The following HSF5 variants were observed in gnomAD, a reference collection of about 807,000 sequenced individuals.
HSF5 encodes the protein heat shock factor protein 5.
In HSF5, 5 loss-of-function variants were observed where a neutral mutation model predicts 50.8. The observed-to-expected ratio is 0.10, with a 90% CI of 0.05 to 0.21. The LOEUF is 0.21. Ranked by LOEUF, HSF5 falls within the 10% of genes least tolerant of loss-of-function variation. The probability of loss-of-function intolerance (pLI) is 1.00; values close to 1 mark genes in which losing one functional copy is unlikely to be tolerated. For synonymous variants in HSF5, 307 were observed against 307.4 expected (o/e 1.00, Z 0.02); for missense variants, 564 against 762.6 (o/e 0.74, Z 3.07).
chr17:58,420,820 AACAG>A lies in HSF5; in HGVS notation c.*1536_*1539del, dbSNP rs1381873372. 1.3e-5 allele frequency: 2 copies of A among 152,260 alleles called. No homozygotes were observed. Among genetic ancestry groups the A allele is most frequent in the Non-Finnish European group, 2.9e-5 (2 of 68,028 alleles). 9.4% of individuals were successfully genotyped at this position (152,260 alleles called of 1,614,324 possible). A position where few individuals can be genotyped will look rare whatever the true frequency, so the allele number is the denominator to read the frequency against. On this transcript the variant is annotated 3_prime_UTR_variant, in exon 6 of 6. Transcript: ENST00000323777. ...TTTTCAGAACCTACTTTAATATCTA[AACAG>A]AGTCACTGCAGATCAATACAGAGCT... is the stretch of plus-strand genomic sequence containing the variant.
chr17:58,456,389 G>A (rs999388113), intron 5 of HSF5, among the ~76,000 whole-genome samples: 13 of 152,240 alleles, frequency 8.5e-5, no homozygotes, highest in Non-Finnish European at 1.9e-4. Context: ...AAGTAGAATA[G>A]TAAATACCAG....
intron 5 of HSF5, among the ~76,000 whole-genome samples, chr17:58,454,412 G>A (rs908378889): frequency 6.6e-6 from 1 of 152,004 alleles, no homozygotes; most frequent in Non-Finnish European, 1.5e-5. Flanking sequence ...GCTTTTCCTC[G>A]AAGATCTGGA....
At chr17:58,480,583 GCTTT>G (rs2143807402) in intron 1 of HSF5, among the ~76,000 whole-genome samples, 1 of 152,040 alleles carries the variant, frequency 6.6e-6, no homozygotes, top group Admixed American at 6.6e-5. Context: ...CTTACCTTTC[GCTTT>G]ATTTGCCTGA....
rs555012006 is a variant in HSF5 at position 58,469,879 on chromosome 17, TA to T, written c.926-2901del. On this transcript the variant is annotated intron_variant, in intron 2 of 5. Transcript: ENST00000323777. ...ACATTTTCAAAAAATGTCTAAGTAATAAAAAAATGTTAAGCCAGAGTTACTA... is the reference window on the plus strand; with the variant it reads ...ACATTTTCAAAAAATGTCTAAGTAATAAAAAATGTTAAGCCAGAGTTACTA... Among the ~76,000 whole-genome samples the T allele has an allele frequency of 1.1e-3, 160 of 152,108 alleles. 1 individual carries two copies. Among genetic ancestry groups the T allele is most frequent in the Admixed American group, 6.9e-3 (106 of 15,274 alleles).
chr17:58,434,211 C>G (rs1974398036), intron 5 of HSF5, among the ~76,000 whole-genome samples: 1 of 151,994 alleles, frequency 6.6e-6, no homozygotes, highest in Non-Finnish European at 1.5e-5. Context: ...CTGTGCCTGG[C>G]CCAAAGGGAT....
intron 5 of HSF5, among the ~76,000 whole-genome samples, chr17:58,425,639 T>C (rs146672791): frequency 8.2e-4 from 124 of 151,180 alleles, no homozygotes; most frequent in African/African-American, 2.9e-3. Flanking sequence ...ATGCACATTT[T>C]ACCATAAAAT....
rs1471397952 is a variant in HSF5, at chr17:58,422,441, A to T, written c.1721-11T>A. 1 of 1,612,578 alleles carries T rather than the reference A, an allele frequency of 6.2e-7. No homozygotes were observed. Among genetic ancestry groups the T allele is most frequent in the South Asian group, 1.1e-5 (1 of 90,984 alleles). On this transcript the variant is annotated splice_polypyrimidine_tract_variant and intron_variant, in intron 5 of 5. Transcript: ENST00000323777. ...CCAGCAGATGAAGATCTAGAAAGAA[A>T]GGATAGTTTACTCCCTCTTAGCCTC...
At chr17:58,486,875 C>A (rs1323582525) in intron 1 of HSF5, among the ~76,000 whole-genome samples, 1 of 150,738 alleles carries the variant, frequency 6.6e-6, no homozygotes, top group Non-Finnish European at 1.5e-5. Flanking sequence ...TTTCCCTTGC[C>A]TGCTATTGTA....
At chr17:58,448,908 T>G (rs923049354) in intron 5 of HSF5, among the ~76,000 whole-genome samples, 6 of 152,156 alleles carry the variant, frequency 3.9e-5, no homozygotes, top group Non-Finnish European at 7.4e-5. Flanking sequence ...GATTAATAAC[T>G]ACAACAGTTT....
chr17:58,426,749 T>C (rs1974300643), intron 5 of HSF5, among the ~76,000 whole-genome samples: 1 of 152,210 alleles, frequency 6.6e-6, no homozygotes, highest in Admixed American at 6.5e-5. Flanking sequence ...GGTAATACCA[T>C]TGCAGAAATC....
chr17:58,431,131 C>T (rs1176416354), intron 5 of HSF5, among the ~76,000 whole-genome samples: 1 of 152,156 alleles, frequency 6.6e-6, no homozygotes, highest in Non-Finnish European at 1.5e-5. Context: ...TTGTCTGTTG[C>T]CATGTGAAAC....
intron 3 of HSF5, among the ~76,000 whole-genome samples, chr17:58,464,504 C>T (rs1974835448): frequency 6.6e-6 from 1 of 152,236 alleles, no homozygotes; most frequent in Non-Finnish European, 1.5e-5. Flanking sequence ...CCCATACCTA[C>T]AGTCCAACTA....
intron 1 of HSF5, 122 bp downstream of exon 1, chr17:58,487,603 G>C: frequency 7.8e-7 from 1 of 1,286,512 alleles, no homozygotes; most frequent in Non-Finnish European, 9.8e-7. Flanking sequence ...CGGCCAATGG[G>C]TCCCCGGCGC....
intron 5 of HSF5, among the ~76,000 whole-genome samples, chr17:58,441,614 C>A (rs1567907952): frequency 2.7e-5 from 4 of 150,126 alleles, no homozygotes; most frequent in East Asian, 1.9e-4. Context: ...TTGATCATTC[C>A]AAAAAAAAAG....
At chr17:58,464,002 GA>G (rs1437067420) in intron 3 of HSF5, among the ~76,000 whole-genome samples, 2 of 152,202 alleles carry the variant, frequency 1.3e-5, no homozygotes, top group Non-Finnish European at 2.9e-5. Context: ...AACATGTAAT[GA>G]ATTGATGTTG....
intron 2 of HSF5, among the ~76,000 whole-genome samples, chr17:58,477,508 G>A (rs2143802393): frequency 2.7e-5 from 4 of 150,658 alleles, no homozygotes; most frequent in African/African-American, 9.8e-5. Context: ...CGCCCAGGCT[G>A]GAGTGCAGTG....
intron 5 of HSF5, among the ~76,000 whole-genome samples, chr17:58,452,082 C>CA (rs199976850): frequency 4.1e-4 from 61 of 150,306 alleles, no homozygotes; most frequent in Admixed American, 1.1e-3. Context: ...CCTGTCTCTA[C>CA]AAAAAAAAAT....
At chr17:58,440,130 G>T (rs114574570) in intron 5 of HSF5, among the ~76,000 whole-genome samples, 2,344 of 152,312 alleles carry the variant, frequency 0.015, 80 homozygotes, top group African/African-American at 0.054. Context: ...AGTAAAGAAT[G>T]ACTGGGCTGA....
At chr17:58,437,578 T>G (rs1318841553) in intron 5 of HSF5, among the ~76,000 whole-genome samples, 1 of 152,218 alleles carries the variant, frequency 6.6e-6, no homozygotes. Context: ...GTGTTATATT[T>G]ATCAGCTATA....
Sources: allele counts gnomAD v4.1 joint callset (sites outside exome capture counted in the v4.1 genomes callset), GRCh38; gene constraint gnomAD v4.1.1; transcripts MANE v1.5; gene names NCBI Gene and HGNC (gene_info 2026-07-23, HGNC 2026-07-21).